Variants in FBXO10 observed in about 807,000 individuals in gnomAD.
The protein encoded by FBXO10 is F-box only protein 10.
Under a neutral mutation model 80.7 loss-of-function variants are expected in FBXO10, and 39 were observed. The observed-to-expected ratio is 0.48, with a 90% confidence interval of 0.37 to 0.63. The LOEUF is 0.63. FBXO10 is among the 30% of genes least tolerant of loss of function. FBXO10 has a pLI of 0.00. For missense variants in FBXO10, 1,025 were observed against 1,269.0 expected, an observed-to-expected ratio of 0.81 and a Z score of 2.92; for synonymous variants, 449 against 489.6, an observed-to-expected ratio of 0.92 and a Z score of 1.09.
At chr9:37,530,612 T>C (rs1165767501) in intron 4 of FBXO10, among the ~76,000 whole-genome samples, 2 of 152,110 alleles carry the variant, frequency 1.3e-5, no homozygotes, top group African/African-American at 4.8e-5. Context: ...GCTAGCTGTG[T>C]GTATTTTCTT....
At chr9:37,558,967 C>T (rs866686553) in intron 1 of FBXO10, among the ~76,000 whole-genome samples, 1 of 152,094 alleles carries the variant, frequency 6.6e-6, no homozygotes, top group Non-Finnish European at 1.5e-5. Flanking sequence ...CGCACCACCA[C>T]GCCCGGCTAA....
intron 3 of FBXO10, among the ~76,000 whole-genome samples, chr9:37,536,755 T>C (rs898665769): frequency 6.6e-6 from 1 of 152,170 alleles, no homozygotes; most frequent in Non-Finnish European, 1.5e-5. Flanking sequence ...AAGGTAGTAA[T>C]CATATCTCCC....
chr9:37,571,377 C>T (rs940334629), intron 1 of FBXO10, among the ~76,000 whole-genome samples: 1 of 152,128 alleles, frequency 6.6e-6, no homozygotes, highest in African/African-American at 2.4e-5. Flanking sequence ...TACCTGGATA[C>T]AGTGAACTTA....
intron 5 of FBXO10, among the ~76,000 whole-genome samples, chr9:37,526,241 A>G (rs1427781257): frequency 6.6e-6 from 1 of 152,206 alleles, no homozygotes; most frequent in African/African-American, 2.4e-5. Flanking sequence ...AAAAAAGAGA[A>G]ACATATATAA....
At chr9:37,526,821 T>TTTTA (rs57803639) in intron 5 of FBXO10, among the ~76,000 whole-genome samples, 2,584 of 139,770 alleles carry the variant, frequency 0.018, 51 homozygotes, top group African/African-American at 0.044. Context: ...TTTTAAAATA[T>TTTTA]TTTATTTATT....
At chr9:37,552,409 C>A (rs918032944) in intron 1 of FBXO10, among the ~76,000 whole-genome samples, 2 of 152,164 alleles carry the variant, frequency 1.3e-5, no homozygotes, top group Admixed American at 6.6e-5. Flanking sequence ...TATGGCTGGG[C>A]GAGGTGGCTC....
chr9:37,554,124 G>A (rs1822278780), intron 1 of FBXO10, among the ~76,000 whole-genome samples: 1 of 152,082 alleles, frequency 6.6e-6, no homozygotes, highest in Non-Finnish European at 1.5e-5. Context: ...TTTATCACCT[G>A]TGTAACTTTG....
At chr9:37,536,113 T>A (rs1392098771) in intron 3 of FBXO10, 2 of 152,140 alleles carry the variant, frequency 1.3e-5, no homozygotes, top group Admixed American at 1.3e-4. Context: ...ACAATTAAAT[T>A]TAAATTAATT....
chr9:37,522,685 G>A, intron 7 of FBXO10, 140 bp downstream of exon 7: 1 of 1,168,710 alleles, frequency 8.6e-7, no homozygotes, highest in South Asian at 1.6e-5. Flanking sequence ...GGAGGGCCTG[G>A]GTGACTGTGG....
chr9:37,541,465 G>T lies in FBXO10; in HGVS notation c.304C>A (p.Arg102Ser), dbSNP rs760349337. Residue 102 changes from arginine to serine, a missense_variant, in exon 2 of 11, where the codon CGC (arginine) becomes AGC (serine). Arg to Ser is a moderately radical substitution (Grantham distance 110). Around this residue, in one of 3 missense-constraint regions of FBXO10, gnomAD observed 450 missense variants for 499.4 expected, o/e 0.90. Transcript: ENST00000432825. ...AGGGTACGTCGTTCCCTCCTCCGGC[G>T]GAATAGAGAAAAGCAGATGGAAGAC... The part of the protein sequence containing the change: ...LESSICFSLF[R>S]RRRERRTLSV... 6.8e-5 allele frequency: 109 copies of T among 1,613,896 alleles called. No homozygotes were observed. The highest frequency in any genetic ancestry group is 1.3e-5 in the Non-Finnish European group (15 of 1,179,894).
In FBXO10 at chr9:37,512,525, G is replaced by A; in HGVS notation, c.*22C>T. ...TCCTCTGAGCACCCATCCAGGCTTG[G>A]CCCTGAAGCAGGTCTGTGTCCTCAC... On this transcript the variant is annotated 3_prime_UTR_variant, in exon 11 of 11. Coordinates refer to ENST00000432825, the MANE Select transcript of FBXO10 (RefSeq NM_012166.3). 6.2e-7 allele frequency: 1 copy of A among 1,604,808 alleles called. No individual in the cohort carries two copies. The highest frequency in any genetic ancestry group is 8.5e-7 in the Non-Finnish European group (1 of 1,173,152).
Position 37,541,407 on chromosome 9 carries a change from A to AG in FBXO10, c.361dup (p.Leu121ProfsTer12). On this transcript the variant is annotated frameshift_variant, in exon 2 of 11. Transcript: ENST00000432825. LOFTEE classifies it high-confidence loss of function. The stretch of plus-strand genomic sequence containing the variant: ...GCTGGCCATGGCCAAGGCACTGCCC[A>AG]GGCTGTCAAACTCACGGCCTGGCCC... The AG allele has an allele frequency of 6.2e-7, 1 of 1,614,038 alleles. No homozygotes were observed.
intron 1 of FBXO10, among the ~76,000 whole-genome samples, chr9:37,553,482 C>T (rs1822258390): frequency 6.6e-6 from 1 of 152,150 alleles, no homozygotes; most frequent in South Asian, 2.1e-4. Context: ...CTGGCACAAC[C>T]CCTGTACCCT....
chr9:37,539,031 T>C (rs550783824), intron 2 of FBXO10, among the ~76,000 whole-genome samples: 1 of 152,290 alleles, frequency 6.6e-6, no homozygotes, highest in Non-Finnish European at 1.5e-5. Flanking sequence ...TCACTCTCTA[T>C]TCCTGAAAAA....
In FBXO10 at chr9:37,518,300, C is replaced by G. The variant is rs755197163; in HGVS notation, c.2339G>C (p.Arg780Pro). The G allele has an allele frequency of 6.2e-7, 1 of 1,613,954 alleles. No individual in the cohort carries two copies. Among genetic ancestry groups the G allele is most frequent in the Non-Finnish European group, 8.5e-7 (1 of 1,179,912 alleles). ...GGCCTCAACCTTGACCCCACTTTGC[C>G]GGTTGCAGGAGATGCTGTTGTTGGC... ...RVANNSISCN[R>P]QSGVKVEAQC... is the part of the protein sequence containing the mutation. Residue 780 changes from arginine (R) to proline (P), a missense_variant, in exon 9 of 11, where the codon CGG becomes CCG. Arg to Pro is a moderately radical substitution (Grantham distance 103, BLOSUM62 -2). Transcript: ENST00000432825.
At chr9:37,516,860 C>G (rs80330136) in intron 9 of FBXO10, among the ~76,000 whole-genome samples, 1 of 150,970 alleles carries the variant, frequency 6.6e-6, no homozygotes, top group Non-Finnish European at 1.5e-5. Context: ...ACTTGGGAGG[C>G]TGAGGCAGGA....
At chr9:37,548,791 C>A (rs141248839) in intron 1 of FBXO10, among the ~76,000 whole-genome samples, 1,675 of 152,162 alleles carry the variant, frequency 0.011, 34 homozygotes, top group African/African-American at 0.038. Flanking sequence ...CTCTGTTGCC[C>A]AGGCTGAAGT....
chr9:37,538,681 C>T (rs1017524770), intron 2 of FBXO10, among the ~76,000 whole-genome samples: 2 of 144,496 alleles, frequency 1.4e-5, no homozygotes, highest in African/African-American at 5.5e-5. Context: ...ACACTCCAGC[C>T]TGGGCGAAAG....
At position 37,541,223 on chromosome 9, in the gene FBXO10, G is replaced by A. The variant is rs375451949; in HGVS notation, c.546C>T (p.Leu182=). 9.3e-6 allele frequency: 15 copies of A among 1,612,054 alleles called. No individual in the cohort carries two copies. The South Asian group carries it at 9.9e-5, about 11-fold the overall frequency. The part of the protein sequence containing the change: ...QHCSTTRLCN[L]VFTPAWFSPI... ...GTGAGAACCAGGCTGGCGTGAAGAC[G>A]AGGTTGCACAGGCGTGTGGTTGAGC... The change falls in exon 2 of 11, where the codon CTC becomes CTT. Residue 182 remains leucine (L), a synonymous_variant. Coordinates refer to ENST00000432825, the MANE Select transcript of FBXO10 (RefSeq NM_012166.3).
Sources: allele counts gnomAD v4.1 joint callset (sites outside exome capture counted in the v4.1 genomes callset), GRCh38; gene constraint gnomAD v4.1.1; regional missense constraint gnomAD v4.1.1; transcripts MANE v1.5; gene names NCBI Gene and HGNC (gene_info 2026-07-23, HGNC 2026-07-21).